PEAK1: variants seen among roughly 807,000 people sequenced by gnomAD.
PEAK1 encodes the protein pseudopodium enriched atypical kinase 1, also known as inactive tyrosine-protein kinase PEAK1.
PEAK1 carries 54 observed loss-of-function variants against 124.7 expected under a neutral mutation model. The ratio of observed to expected loss-of-function variants is 0.43; its 90% confidence interval spans 0.35 to 0.54. The LOEUF (loss-of-function observed/expected upper bound fraction) is 0.54, where lower values mean the gene tolerates loss of function less well. Ranked by LOEUF, PEAK1 falls within the 20% of genes least tolerant of loss-of-function variation. The pLI is 0.01. For missense variants in PEAK1, 2,046 were observed against 2,134.5 expected (o/e 0.96, Z 0.82); for synonymous variants, 719 against 760.0 (o/e 0.95, Z 0.89).
intron 2 of PEAK1, among the ~76,000 whole-genome samples, chr15:77,309,831 G>T (rs2064327839): frequency 6.6e-6 from 1 of 152,146 alleles, no homozygotes; most frequent in South Asian, 2.1e-4. Context: ...AAAGGACATA[G>T]TGGTGAGTAA....
chr15:77,320,648 A>G (rs1391787349), intron 2 of PEAK1, among the ~76,000 whole-genome samples: 1 of 151,912 alleles, frequency 6.6e-6, no homozygotes, highest in Non-Finnish European at 1.5e-5. Context: ...GACTTTATTT[A>G]TTTTTTTCCC....
At chr15:77,244,384 T>C (rs964872911) in intron 6 of PEAK1, among the ~76,000 whole-genome samples, 5 of 152,128 alleles carry the variant, frequency 3.3e-5, no homozygotes, top group Admixed American at 2.6e-4. Flanking sequence ...AAAGGGACAG[T>C]GGATCTATTA....
intron 6 of PEAK1, among the ~76,000 whole-genome samples, chr15:77,232,656 T>G (rs1016335541): frequency 6.6e-6 from 1 of 152,238 alleles, no homozygotes; most frequent in Admixed American, 6.5e-5. Flanking sequence ...GAAGTGTTAA[T>G]GTTCTTCTTT....
intron 8 of PEAK1, among the ~76,000 whole-genome samples, chr15:77,144,404 C>T (rs2054022205): frequency 6.6e-6 from 1 of 152,254 alleles, no homozygotes; most frequent in Non-Finnish European, 1.5e-5. Context: ...GAAGCCACAG[C>T]TTCTTCCTCT....
intron 2 of PEAK1, among the ~76,000 whole-genome samples, chr15:77,299,698 T>G (rs1355566973): frequency 6.6e-6 from 1 of 152,212 alleles, no homozygotes; most frequent in Non-Finnish European, 1.5e-5. Context: ...TTCTTCCAAA[T>G]TAGATTTCAG....
chr15:77,183,305 GTGACACACAGACTGTAT>G (rs1798068138), intron 6 of PEAK1, among the ~76,000 whole-genome samples: 1 of 152,194 alleles, frequency 6.6e-6, no homozygotes, highest in African/African-American at 2.4e-5. Context: ...TATGAAATGT[GTGACACACAGACTGTAT>G]GCTTCACTTT....
At chr15:77,174,660 A>C (rs187222675) in intron 7 of PEAK1, among the ~76,000 whole-genome samples, 1 of 152,348 alleles carries the variant, frequency 6.6e-6, no homozygotes, top group East Asian at 1.9e-4. Context: ...TGCCTTAAAG[A>C]AAAGTTTAAT....
intron 2 of PEAK1, among the ~76,000 whole-genome samples, chr15:77,292,560 A>G (rs2063277800): frequency 6.6e-6 from 1 of 152,146 alleles, no homozygotes; most frequent in Non-Finnish European, 1.5e-5. Context: ...GTTTGTTTAT[A>G]GTATAAGAAC....
chr15:77,408,080 T>TACACATATATACAC (rs1270583662), intron 1 of PEAK1, among the ~76,000 whole-genome samples: 7 of 141,408 alleles, frequency 5.0e-5, no homozygotes, highest in African/African-American at 7.6e-5. Context: ...TATACATATA[T>TACACATATATACAC]ACACATATAT....
intron 2 of PEAK1, among the ~76,000 whole-genome samples, chr15:77,326,478 G>C (rs1285457492): frequency 6.6e-6 from 1 of 152,078 alleles, no homozygotes; most frequent in Non-Finnish European, 1.5e-5. Flanking sequence ...ATTTTCTACT[G>C]TCATAAATCT....
At chr15:77,361,890 C>T (rs8030074) in intron 2 of PEAK1, among the ~76,000 whole-genome samples, 99,552 of 151,612 alleles carry the variant, frequency 0.66, 33,604 homozygotes, top group Non-Finnish European at 0.75. Context: ...AGAATGCTAT[C>T]TAGTCATGAA....
chr15:77,362,941 C>T (rs752047759), intron 2 of PEAK1, among the ~76,000 whole-genome samples: 5 of 152,022 alleles, frequency 3.3e-5, no homozygotes, highest in Non-Finnish European at 5.9e-5. Context: ...CTGCAACCTC[C>T]GCCTCCTGGG....
At chr15:77,248,666 A>C (rs1482097409) in intron 6 of PEAK1, among the ~76,000 whole-genome samples, 1 of 152,238 alleles carries the variant, frequency 6.6e-6, no homozygotes, top group African/African-American at 2.4e-5. Flanking sequence ...GGGACTCCCC[A>C]GCCTTCAGAA....
chr15:77,221,670 A>G (rs776359081), intron 6 of PEAK1, among the ~76,000 whole-genome samples: 3 of 152,138 alleles, frequency 2.0e-5, no homozygotes, highest in Non-Finnish European at 2.9e-5. Flanking sequence ...TAGGCACACT[A>G]TAAGAAAACC....
At chr15:77,154,651 T>C (rs1426776106) in intron 8 of PEAK1, among the ~76,000 whole-genome samples, 2 of 152,242 alleles carry the variant, frequency 1.3e-5, no homozygotes, top group Non-Finnish European at 2.9e-5. Flanking sequence ...GTTTAGTGCT[T>C]CCTTCAGGAG....
chr15:77,235,266 A>G (rs1211497904), intron 6 of PEAK1, among the ~76,000 whole-genome samples: 2 of 151,978 alleles, frequency 1.3e-5, no homozygotes, highest in African/African-American at 2.4e-5. Context: ...CTGGGTAACA[A>G]GCAGAGGATG....
At chr15:77,250,230 T>TATAC (rs2060809480) in intron 6 of PEAK1, among the ~76,000 whole-genome samples, 2 of 125,376 alleles carry the variant, frequency 1.6e-5, no homozygotes, top group African/African-American at 6.4e-5. Flanking sequence ...TACACATATA[T>TATAC]ATGTATATGT....
chr15:77,188,158 C>A (rs1009429937), intron 6 of PEAK1, among the ~76,000 whole-genome samples: 5 of 152,100 alleles, frequency 3.3e-5, no homozygotes, highest in Admixed American at 2.0e-4. Flanking sequence ...AAAAAATTAT[C>A]ATTCCTTGCT....
At chr15:77,154,501 G>C (rs979325893) in intron 8 of PEAK1, among the ~76,000 whole-genome samples, 8 of 151,536 alleles carry the variant, frequency 5.3e-5, no homozygotes, top group Non-Finnish European at 1.2e-4. Context: ...AGTTAATATT[G>C]TTATGTGTGA....
Sources: gnomAD v4.1 joint callset for allele counts (sites outside exome capture counted in the v4.1 genomes callset) on GRCh38, gnomAD v4.1.1 for gene constraint, MANE v1.5 for transcripts, NCBI Gene and HGNC (gene_info 2026-07-23, HGNC 2026-07-21) for gene names.